The following CDH13 variants were observed in gnomAD, a reference collection of about 807,000 sequenced individuals.
CDH13 encodes the protein cadherin-13.
CDH13 carries 24 observed loss-of-function variants against 63.8 expected under a neutral mutation model. That is an observed-to-expected ratio of 0.38 (90% CI 0.27 to 0.53). The LOEUF (loss-of-function observed/expected upper bound fraction) is 0.53. Ranked by LOEUF, CDH13 falls within the 20% of genes least tolerant of loss-of-function variation. The pLI is 0.85. For synonymous variants in CDH13, 503 were observed against 355.3 expected (o/e 1.42, Z -4.67); for missense variants, 1,049 against 903.1 (o/e 1.16, Z -2.07).
At chr16:82,970,732 C>G (rs896002697) in intron 2 of CDH13, among the ~76,000 whole-genome samples, 1 of 152,122 alleles carries the variant, frequency 6.6e-6, no homozygotes, top group African/African-American at 2.4e-5. Flanking sequence ...GCTCCTTGAT[C>G]TGCATAATAG....
intron 7 of CDH13, among the ~76,000 whole-genome samples, chr16:83,499,612 A>G (rs2074224540): frequency 6.6e-6 from 1 of 152,372 alleles, no homozygotes; most frequent in South Asian, 2.1e-4. Flanking sequence ...TTTGGTTAAA[A>G]CTATGCCTTG....
At chr16:83,603,438 C>A (rs1044874113) in intron 8 of CDH13, among the ~76,000 whole-genome samples, 1 of 152,146 alleles carries the variant, frequency 6.6e-6, no homozygotes, top group Non-Finnish European at 1.5e-5. Context: ...TACCATTTTA[C>A]AAATGAGCTT....
chr16:82,685,870 G>C (rs911807185), intron 1 of CDH13, among the ~76,000 whole-genome samples: 4 of 152,194 alleles, frequency 2.6e-5, no homozygotes, highest in African/African-American at 9.7e-5. Flanking sequence ...AGCAGAGACA[G>C]TCCTCTTTTT....
intron 8 of CDH13, among the ~76,000 whole-genome samples, chr16:83,622,683 C>G (rs998878093): frequency 6.6e-6 from 1 of 152,332 alleles, no homozygotes; most frequent in Admixed American, 6.5e-5. Context: ...AGCCCGCTCT[C>G]GCTACATAAC....
In CDH13 at chr16:83,608,708, A is replaced by G. The variant is rs376222341; in HGVS notation, c.1101+6114A>G. On this transcript the variant is annotated intron_variant, in intron 8 of 13. Coordinates refer to ENST00000567109, the MANE Select transcript of CDH13 (RefSeq NM_001257.5). ...ATTTTTGTAGAGGCGAGGTTCTGCCATGTTCCTCGGGCTGGTCTTGAACTA... is the reference window on the plus strand; with the variant it reads ...ATTTTTGTAGAGGCGAGGTTCTGCCGTGTTCCTCGGGCTGGTCTTGAACTA... 5.7e-5 allele frequency among the ~76,000 whole-genome samples: 8 copies of G among 140,946 alleles called. No homozygotes were observed. The South Asian group carries it at 8.8e-4, about 16-fold the overall frequency. 92.5% of individuals were successfully genotyped at this position (140,946 alleles called of 152,430 possible).
At chr16:83,628,888 A>G (rs1380875728) in intron 8 of CDH13, among the ~76,000 whole-genome samples, 3 of 152,248 alleles carry the variant, frequency 2.0e-5, no homozygotes, top group African/African-American at 7.2e-5. Flanking sequence ...AGAAATTTTA[A>G]TAATGCTTCT....
chr16:83,228,736 G>C (rs1167943048), intron 5 of CDH13, among the ~76,000 whole-genome samples: 1 of 152,228 alleles, frequency 6.6e-6, no homozygotes, highest in Non-Finnish European at 1.5e-5. Flanking sequence ...GCTTGACTAG[G>C]AGCAAAGGTG....
At chr16:83,204,983 C>T (rs2039140268) in intron 4 of CDH13, among the ~76,000 whole-genome samples, 1 of 152,216 alleles carries the variant, frequency 6.6e-6, no homozygotes, top group Non-Finnish European at 1.5e-5. Context: ...GTCCCATGGC[C>T]ACATCCAGGT....
intron 3 of CDH13, among the ~76,000 whole-genome samples, 181 bp from the exon 4 acceptor site, chr16:83,125,203 AC>A (rs1336273534): frequency 6.6e-6 from 1 of 152,218 alleles, no homozygotes; most frequent in Non-Finnish European, 1.5e-5. Context: ...ATAGTGAATA[AC>A]AATGTCAGCT....
intron 1 of CDH13, among the ~76,000 whole-genome samples, chr16:82,856,707 AAAAAAAAAAAAAAAG>A (rs2039715797): frequency 6.8e-6 from 1 of 147,040 alleles, no homozygotes; most frequent in African/African-American, 2.6e-5. Context: ...AAAAAAAAAA[AAAAAAAAAAAAAAAG>A]GAAACTTTAA....
intron 3 of CDH13, among the ~76,000 whole-genome samples, chr16:83,035,556 A>G (rs1025220605): frequency 7.9e-5 from 12 of 152,292 alleles, no homozygotes; most frequent in African/African-American, 2.9e-4. Flanking sequence ...TGACATTTCC[A>G]AGGTCTAAAA....
intron 7 of CDH13, among the ~76,000 whole-genome samples, chr16:83,561,027 T>A (rs1398374944): frequency 6.6e-6 from 1 of 152,188 alleles, no homozygotes; most frequent in East Asian, 1.9e-4. Flanking sequence ...CTGGAGGTTT[T>A]TCTTAATTAT....
intron 1 of CDH13, among the ~76,000 whole-genome samples, chr16:82,679,836 A>G (rs546347077): frequency 2.6e-5 from 4 of 152,344 alleles, no homozygotes; most frequent in Non-Finnish European, 4.4e-5. Context: ...ATCTGATTTT[A>G]AAACATTTGA....
intron 5 of CDH13, among the ~76,000 whole-genome samples, chr16:83,259,020 A>T (rs1158160315): frequency 6.6e-6 from 1 of 152,144 alleles, no homozygotes; most frequent in African/African-American, 2.4e-5. Flanking sequence ...ATCACCCATC[A>T]TTGCCAGCCT....
At position 82,761,727 on chromosome 16, in the gene CDH13, C is replaced by G. The variant is rs141978738; in HGVS notation, c.46-96635C>G. On this transcript the variant is annotated intron_variant, in intron 1 of 13. Coordinates refer to ENST00000567109, the MANE Select transcript of CDH13 (RefSeq NM_001257.5). The stretch of plus-strand genomic sequence containing the variant: ...TTTAAGTTAGTGTTTTTCCAAGTTG[C>G]ATTGTGATGAGGAGAATTTGACATA... Among the ~76,000 whole-genome samples, 401 of 152,224 alleles carry G rather than the reference C, an allele frequency of 2.6e-3. 2 individuals carry two copies. The highest frequency in any genetic ancestry group is 8.9e-3 in the African/African-American group (370 of 41,540).
chr16:83,032,295 T>G, intron 3 of CDH13, 77 bp downstream of exon 3: 1 of 1,084,518 alleles, frequency 9.2e-7, no homozygotes, highest in Non-Finnish European at 1.3e-6. Context: ...AAATGGGTCT[T>G]TAATTTATTA....
At chr16:83,296,541 C>A (rs2089602121) in intron 5 of CDH13, among the ~76,000 whole-genome samples, 1 of 152,084 alleles carries the variant, frequency 6.6e-6, no homozygotes, top group Non-Finnish European at 1.5e-5. Context: ...GTAATGTCTG[C>A]CTCGGAGTGA....
intron 4 of CDH13, among the ~76,000 whole-genome samples, chr16:83,127,152 G>C (rs904752432): frequency 5.9e-5 from 9 of 152,198 alleles, no homozygotes; most frequent in Non-Finnish European, 1.0e-4. Context: ...ATGTAGTAGA[G>C]TCGCAACATG....
intron 11 of CDH13, among the ~76,000 whole-genome samples, chr16:83,779,458 G>A (rs1915365414): frequency 7.7e-6 from 1 of 130,570 alleles, no homozygotes; most frequent in African/African-American, 2.8e-5. Flanking sequence ...ATGATAAAGG[G>A]CTTTGTAAAC....
Sources: allele counts gnomAD v4.1 joint callset (sites outside exome capture counted in the v4.1 genomes callset), GRCh38; gene constraint gnomAD v4.1.1; transcripts MANE v1.5; gene names NCBI Gene and HGNC (gene_info 2026-07-23, HGNC 2026-07-21).